The following CSNK1G3 variants were observed in gnomAD, a reference collection of about 807,000 sequenced individuals.
The protein encoded by CSNK1G3 is casein kinase 1 gamma 3.
A neutral mutation model predicts 64.3 loss-of-function variants in CSNK1G3; 23 were observed. That is an observed-to-expected ratio of 0.36 (90% CI 0.26 to 0.51). The LOEUF (loss-of-function observed/expected upper bound fraction) is 0.51, where lower values mean the gene tolerates loss of function less well. Ranked by LOEUF, CSNK1G3 falls within the 20% of genes least tolerant of loss-of-function variation. CSNK1G3 has a pLI of 0.96. For synonymous variants in CSNK1G3, 158 were observed against 162.2 expected, an observed-to-expected ratio of 0.97 and a Z score of 0.20; for missense variants, 357 against 510.5, an observed-to-expected ratio of 0.70 and a Z score of 2.90.
intron 6 of CSNK1G3, 112 bp downstream of exon 6, chr5:123,576,075 AT>A: frequency 1.6e-6 from 1 of 615,532 alleles, no homozygotes; most frequent in East Asian, 2.8e-5. Context: ...TTTTATTATA[AT>A]TTTCATTTAT....
chr5:123,547,443 A>G (rs769901498), intron 2 of CSNK1G3, among the ~76,000 whole-genome samples: 3 of 152,012 alleles, frequency 2.0e-5, no homozygotes, highest in African/African-American at 7.2e-5. Flanking sequence ...GTATATAGGT[A>G]TGTGTCTGTG....
chr5:123,584,725 G>A (rs1322807726), intron 6 of CSNK1G3, among the ~76,000 whole-genome samples: 1 of 152,126 alleles, frequency 6.6e-6, no homozygotes, highest in Non-Finnish European at 1.5e-5. Context: ...TGTATTTTGG[G>A]AAGTTTTTAA....
intron 4 of CSNK1G3, among the ~76,000 whole-genome samples, chr5:123,558,810 A>G (rs1473180909): frequency 4.6e-5 from 7 of 152,218 alleles, no homozygotes; most frequent in Admixed American, 4.6e-4. Flanking sequence ...TTATTATACT[A>G]GCAAATAAGA....
chr5:123,530,571 T>TA (rs1291494485), intron 1 of CSNK1G3, among the ~76,000 whole-genome samples: 6 of 152,138 alleles, frequency 3.9e-5, no homozygotes, highest in Admixed American at 1.3e-4. Flanking sequence ...ACTATTTTAT[T>TA]AAAAAAACTG....
Position 123,557,461 on chromosome 5 carries a change from C to G in CSNK1G3, c.220-34C>G, listed in dbSNP as rs750693935. 3.9e-6 allele frequency: 6 copies of G among 1,551,812 alleles called. No individual in the cohort carries two copies. The South Asian group carries it at 4.6e-5, about 12-fold the overall frequency. ...TTGGGACCTAGTGCTCTTTTAATAA[C>G]TTAAATGTCTTTTTTTGTTTGTTTT... On this transcript the variant is annotated intron_variant, in intron 3 of 12. Transcript: ENST00000345990.
At chr5:123,601,792 T>G (rs1288306376) in intron 10 of CSNK1G3, among the ~76,000 whole-genome samples, 1 of 152,076 alleles carries the variant, frequency 6.6e-6, no homozygotes, top group Admixed American at 6.6e-5. Flanking sequence ...GCCATTGAAC[T>G]AAAGGGAGAA....
intron 12 of CSNK1G3, among the ~76,000 whole-genome samples, chr5:123,613,484 T>G (rs1318748083): frequency 2.6e-5 from 4 of 152,166 alleles, no homozygotes; most frequent in African/African-American, 7.2e-5. Context: ...TATGTATGTG[T>G]GTATATATAT....
intron 9 of CSNK1G3, 28 bp downstream of exon 9, chr5:123,590,586 C>T: frequency 7.6e-7 from 1 of 1,318,118 alleles, no homozygotes; most frequent in Non-Finnish European, 1.0e-6. Context: ...TAATATATTA[C>T]TTACAGTATC....
intron 1 of CSNK1G3, among the ~76,000 whole-genome samples, chr5:123,517,931 GAAAAAA>G (rs529062252): frequency 9.4e-6 from 1 of 106,490 alleles, no homozygotes; most frequent in Non-Finnish European, 2.0e-5. Flanking sequence ...TCCTCTTTAA[GAAAAAA>G]AAAAAAAAAA....
intron 1 of CSNK1G3, among the ~76,000 whole-genome samples, chr5:123,534,249 A>G (rs1053911927): frequency 1.3e-5 from 2 of 152,092 alleles, no homozygotes; most frequent in Admixed American, 6.6e-5. Flanking sequence ...AATTATTAAA[A>G]TGAGCTTAGA....
Position 123,588,529 on chromosome 5 carries a change from G to T in CSNK1G3, c.844+18G>T. On this transcript the variant is annotated intron_variant, in intron 8 of 12. Coordinates refer to ENST00000345990, the Ensembl canonical transcript of CSNK1G3. Reference sequence around the variant, plus strand: ...TTTTCCAGGTAATGAATAATGTGAGGTTGATACATTATATACAGAAAACTA... The same window carrying T: ...TTTTCCAGGTAATGAATAATGTGAGTTTGATACATTATATACAGAAAACTA... 6.9e-7 allele frequency: 1 copy of T among 1,457,244 alleles called. No homozygotes were observed. The highest frequency in any genetic ancestry group is 1.1e-5 in the South Asian group (1 of 87,416). The allele number at this position is 1,457,244 out of a possible 1,614,324, so 90.3% of individuals were successfully genotyped here.
At chr5:123,602,166 G>T (rs893594520) in intron 10 of CSNK1G3, among the ~76,000 whole-genome samples, 3 of 152,132 alleles carry the variant, frequency 2.0e-5, no homozygotes, top group Non-Finnish European at 2.9e-5. Context: ...TCTTTAGATT[G>T]CCTTTGAAGA....
chr5:123,512,687 G>A (rs1395899074), intron 1 of CSNK1G3, 117 bp downstream of exon 1: 1 of 149,680 alleles, frequency 6.7e-6, no homozygotes, highest in African/African-American at 2.4e-5. Flanking sequence ...GTGGGGTGGG[G>A]TGCGGCGGGG....
At chr5:123,574,477 A>G (rs1788755578) in intron 5 of CSNK1G3, among the ~76,000 whole-genome samples, 1 of 152,168 alleles carries the variant, frequency 6.6e-6, no homozygotes, top group South Asian at 2.1e-4. Context: ...TAGTTGAATA[A>G]ATTAATATCC....
intron 1 of CSNK1G3, among the ~76,000 whole-genome samples, chr5:123,520,661 TTTTAAA>T (rs1334576973): frequency 6.6e-6 from 1 of 152,036 alleles, no homozygotes; most frequent in East Asian, 1.9e-4. Flanking sequence ...TATCTTAAAA[TTTTAAA>T]TTGAAATTGG....
At chr5:123,546,859 A>C (rs1782612956) in intron 2 of CSNK1G3, among the ~76,000 whole-genome samples, 1 of 152,176 alleles carries the variant, frequency 6.6e-6, no homozygotes. Context: ...GAATGAAGCA[A>C]GCCAATAAAA....
intron 10 of CSNK1G3, 25 bp from the exon 12 acceptor site, chr5:123,604,699 T>C (rs755486677): frequency 4.3e-6 from 6 of 1,385,248 alleles, no homozygotes; most frequent in Non-Finnish European, 6.1e-6. Context: ...CATATACATA[T>C]ATAAAAAATT....
chr5:123,575,850 G>T, exon 6 of CSNK1G3: 1 of 1,613,654 alleles, frequency 6.2e-7, no homozygotes. Flanking sequence ...ATAGATTTTG[G>T]TTTGGCAAAG....
chr5:123,550,824 T>A (rs1243126352), intron 2 of CSNK1G3, among the ~76,000 whole-genome samples: 1 of 152,224 alleles, frequency 6.6e-6, no homozygotes, highest in Non-Finnish European at 1.5e-5. Context: ...TGTTTATGTT[T>A]ATAACAAATA....
Sources: gnomAD v4.1 joint callset for allele counts (sites outside exome capture counted in the v4.1 genomes callset) on GRCh38, gnomAD v4.1.1 for gene constraint, MANE v1.5 for transcripts, NCBI Gene and HGNC (gene_info 2026-07-23, HGNC 2026-07-21) for gene names.